The following LRRK1 variants were observed in gnomAD, a reference collection of about 807,000 sequenced individuals.
LRRK1 encodes leucine-rich repeat serine/threonine-protein kinase 1.
A neutral mutation model predicts 209.1 loss-of-function variants in LRRK1; 113 were observed. The observed-to-expected ratio is 0.54, with a 90% CI of 0.46 to 0.63. The LOEUF (loss-of-function observed/expected upper bound fraction) is 0.63, where lower values mean the gene tolerates loss of function less well. LRRK1 is among the 30% of genes least tolerant of loss of function. The pLI, the probability that LRRK1 is intolerant of heterozygous loss-of-function variation, is 0.00. For missense variants in LRRK1, 2,284 were observed against 2,632.2 expected (o/e 0.87, Z 2.89); for synonymous variants, 1,144 against 1,099.7 (o/e 1.04, Z -0.80).
chr15:101,066,068 C>T lies in LRRK1; in HGVS notation c.5631C>T (p.Asp1877=). The T allele has an allele frequency of 6.2e-7, 1 of 1,614,192 alleles. No homozygotes were observed. ...SSVPFSTDCE[D]SDMLHTPGAA... is the part of the protein sequence containing the mutation. ...TGCCTTTCTCCACCGACTGCGAGGA[C>T]TCAGACATGCTACATACGCCCGGTG... Residue 1877 remains aspartate (D), a synonymous_variant, in exon 32 of 34, where the codon GAC becomes GAT. Coordinates refer to ENST00000388948, the MANE Select transcript of LRRK1 (RefSeq NM_024652.6).
At chr15:100,990,105 T>C (rs962305071) in intron 6 of LRRK1, among the ~76,000 whole-genome samples, 1 of 152,198 alleles carries the variant, frequency 6.6e-6, no homozygotes, top group Admixed American at 6.5e-5. Flanking sequence ...TAAAAACATT[T>C]ACAAAACTAT....
intron 6 of LRRK1, among the ~76,000 whole-genome samples, chr15:101,005,539 T>G (rs1659525441): frequency 6.6e-6 from 1 of 152,354 alleles, no homozygotes; most frequent in South Asian, 2.1e-4. Flanking sequence ...ATCAATGGGC[T>G]GAAAAGCAGT....
intron 33 of LRRK1, 30 bp downstream of exon 33, chr15:101,066,771 C>A (rs1345648466): frequency 1.3e-6 from 2 of 1,567,560 alleles, no homozygotes; most frequent in Non-Finnish European, 1.8e-6. Context: ...CCTTTAGGAC[C>A]CAGGCAGCAG....
chr15:100,931,704 A>C (rs1240851291), intron 2 of LRRK1, among the ~76,000 whole-genome samples: 1 of 152,168 alleles, frequency 6.6e-6, no homozygotes, highest in East Asian at 1.9e-4. Context: ...GCTTCCAGGC[A>C]AAAATGGCTC....
Position 100,919,633 on chromosome 15 carries a change from G to A in LRRK1, c.-123+182G>A, listed in dbSNP as rs545514082. ...GGCCGTTGCGCAGGGGCCGCGGCCC[G>A]AGGGGCGCGGAGGGCGTGTGGGGCG... On this transcript the variant is annotated intron_variant, in intron 1 of 33. Transcript: ENST00000388948. The surrounding 1 kb of genome is among the most constrained non-coding windows in gnomAD (Gnocchi z 5.8). Among the ~76,000 whole-genome samples the A allele has an allele frequency of 0.011, 1,725 of 150,750 alleles. 11 individuals carry two copies. Among genetic ancestry groups the A allele is most frequent in the Middle Eastern group, 0.024 (7 of 292 alleles).
chr15:101,023,026 C>G (rs1262488326), intron 15 of LRRK1, among the ~76,000 whole-genome samples: 1 of 152,156 alleles, frequency 6.6e-6, no homozygotes, highest in African/African-American at 2.4e-5. Flanking sequence ...TCACTGCTCT[C>G]TGACCCCAAG....
intron 2 of LRRK1, among the ~76,000 whole-genome samples, chr15:100,970,843 T>G (rs1252093124): frequency 2.0e-5 from 3 of 152,154 alleles, no homozygotes; most frequent in Non-Finnish European, 2.9e-5. Flanking sequence ...ATTTAGGTCT[T>G]GTTCAATTTC....
intron 2 of LRRK1, among the ~76,000 whole-genome samples, chr15:100,962,816 T>TATACAC (rs1596204721): frequency 2.4e-4 from 8 of 32,700 alleles, no homozygotes; most frequent in Non-Finnish European, 4.8e-4. Flanking sequence ...TATATATATA[T>TATACAC]ATATATATTT....
At chr15:100,968,611 T>C (rs1380198840) in intron 2 of LRRK1, among the ~76,000 whole-genome samples, 1 of 152,220 alleles carries the variant, frequency 6.6e-6, no homozygotes, top group Admixed American at 6.5e-5. Flanking sequence ...ATTTTTTTGC[T>C]GTTTAAATCT....
At chr15:100,979,546 A>C (rs2141659761) in intron 3 of LRRK1, among the ~76,000 whole-genome samples, 1 of 152,296 alleles carries the variant, frequency 6.6e-6, no homozygotes, top group East Asian at 1.9e-4. Flanking sequence ...GAAAATCCAT[A>C]AAAGAAATGA....
chr15:101,027,723 C>T lies in LRRK1; in HGVS notation c.2612C>T (p.Thr871Met), dbSNP rs762496843. 3.0e-5 allele frequency: 48 copies of T among 1,611,610 alleles called. No homozygotes were observed. The highest frequency in any genetic ancestry group is 1.9e-4 in the South Asian group (17 of 90,432). Residue 871 changes from threonine (T) to methionine (M), a missense_variant, in exon 19 of 34, where the codon ACG becomes ATG. Transcript: ENST00000388948. This position sits in a 1 kb window ranked among gnomAD's most constrained non-coding sequence, Gnocchi z 5.1. Reference sequence around the variant, plus strand: ...CGGGACGACGACGTGCAGTACCTGACGGACAGGCAGCTGGAGCAGCTGGTG... The same window carrying T: ...CGGGACGACGACGTGCAGTACCTGATGGACAGGCAGCTGGAGCAGCTGGTG... ...RSRDDDVQYL[T>M]DRQLEQLVEQ... is the part of the protein sequence containing the mutation.
intron 1 of LRRK1, chr15:100,920,128 C>CTA (rs1373247141): frequency 3.3e-5 from 5 of 152,994 alleles, no homozygotes; most frequent in Non-Finnish European, 7.3e-5. Context: ...GGAAGGAAGC[C>CTA]TAGGAAGGCC....
At chr15:101,059,116 C>T (rs1282659856) in intron 29 of LRRK1, among the ~76,000 whole-genome samples, 1 of 152,140 alleles carries the variant, frequency 6.6e-6, no homozygotes, top group Non-Finnish European at 1.5e-5. Context: ...CTGACCAGGC[C>T]TTGTGGCTCA....
chr15:101,011,651 A>G (rs1032564835), intron 9 of LRRK1, among the ~76,000 whole-genome samples: 1 of 152,122 alleles, frequency 6.6e-6, no homozygotes, highest in African/African-American at 2.4e-5. Context: ...GAAACTCTTC[A>G]TCACTGGCAT....
At chr15:101,067,041 C>T (rs1178970928) in intron 33 of LRRK1, among the ~76,000 whole-genome samples, 1 of 152,216 alleles carries the variant, frequency 6.6e-6, no homozygotes, top group African/African-American at 2.4e-5. Flanking sequence ...AATCGACATG[C>T]AGATGCATCC....
intron 6 of LRRK1, among the ~76,000 whole-genome samples, chr15:101,006,373 A>T (rs965614896): frequency 8.2e-4 from 33 of 40,002 alleles, no homozygotes; most frequent in Middle Eastern, 0.01. Flanking sequence ...ACAATGTGAT[A>T]AAAAAAAAAA....
At chr15:101,040,052 G>A (rs989562070) in intron 20 of LRRK1, among the ~76,000 whole-genome samples, 1 of 152,064 alleles carries the variant, frequency 6.6e-6, no homozygotes, top group South Asian at 2.1e-4. Context: ...GTCTTTATGG[G>A]TTATCAGACA....
At chr15:101,021,267 A>G in intron 13 of LRRK1, 85 bp downstream of exon 13, 1 of 1,467,088 alleles carries the variant, frequency 6.8e-7, no homozygotes, top group Non-Finnish European at 9.4e-7. Flanking sequence ...GGGACACAGA[A>G]AGCCAGGCAG....
chr15:100,992,928 T>C (rs2032225042), intron 6 of LRRK1, among the ~76,000 whole-genome samples: 2 of 152,164 alleles, frequency 1.3e-5, no homozygotes, highest in South Asian at 4.1e-4. Context: ...CCCAAAGTGG[T>C]GGGATTACAG....
Sources: gnomAD v4.1 joint callset for allele counts (sites outside exome capture counted in the v4.1 genomes callset) on GRCh38, gnomAD v4.1.1 for gene constraint, Gnocchi (gnomAD v3.1) non-coding constraint, MANE v1.5 for transcripts, NCBI Gene and HGNC (gene_info 2026-07-23, HGNC 2026-07-21) for gene names.